The following DNAJC13 variants were observed in gnomAD, a reference collection of about 807,000 sequenced individuals.
DNAJC13 encodes the protein dnaJ homolog subfamily C member 13.
Under a neutral mutation model 290.5 loss-of-function variants are expected in DNAJC13, and 75 were observed. That is an observed-to-expected ratio of 0.26 (90% confidence interval 0.21 to 0.31). The LOEUF (loss-of-function observed/expected upper bound fraction) is 0.31. Among genes scored for constraint, DNAJC13 ranks in the 10% least tolerant of loss-of-function variants. The probability of loss-of-function intolerance (pLI) is 1.00; values close to 1 mark genes in which losing one functional copy is unlikely to be tolerated. For synonymous variants in DNAJC13, 862 were observed against 892.0 expected (o/e 0.97, Z 0.60); for missense variants, 2,260 against 2,674.5 (o/e 0.85, Z 3.42).
At chr3:132,475,123 A>T (rs1042068694) in intron 22 of DNAJC13, 38 bp downstream of exon 22, 2 of 1,494,554 alleles carry the variant, frequency 1.3e-6, no homozygotes, top group Non-Finnish European at 9.0e-7. Context: ...ATCTTAAAAA[A>T]TAAAGCATGT....
intron 1 of DNAJC13, among the ~76,000 whole-genome samples, chr3:132,419,964 T>C (rs1157943507): frequency 3.9e-5 from 6 of 152,210 alleles, no homozygotes; most frequent in Non-Finnish European, 5.9e-5. Flanking sequence ...AAAAAGAAGC[T>C]TTGCTCTCAC....
intron 28 of DNAJC13, among the ~76,000 whole-genome samples, chr3:132,483,792 A>G (rs1934760873): frequency 2.6e-5 from 4 of 152,232 alleles, no homozygotes; most frequent in Admixed American, 2.6e-4. Context: ...ATTTCAAATA[A>G]TGTTACAAAA....
chr3:132,538,696 C>T lies in DNAJC13; in HGVS notation c.*414C>T, dbSNP rs1936673792. 1 of 158,404 alleles carries T rather than the reference C, an allele frequency of 6.3e-6. No individual in the cohort carries two copies. 9.8% of individuals were successfully genotyped at this position (158,404 alleles called of 1,614,324 possible). On this transcript the variant is annotated 3_prime_UTR_variant, in exon 56 of 56. Transcript: ENST00000260818. ...CAGGAAAGAATATTTCCCTCTCCTG[C>T]ATCAAGTCTGCGTGGCCATCCTCCC...
At chr3:132,488,115 A>C (rs1934941856) in intron 29 of DNAJC13, among the ~76,000 whole-genome samples, 183 bp from the exon 30 acceptor site, 1 of 152,154 alleles carries the variant, frequency 6.6e-6, no homozygotes, top group Non-Finnish European at 1.5e-5. Context: ...TCTGCATTAA[A>C]TGTTGTAGAA....
chr3:132,481,893 A>G (rs1934688764), intron 26 of DNAJC13, among the ~76,000 whole-genome samples: 1 of 152,202 alleles, frequency 6.6e-6, no homozygotes. Context: ...ACTATTTGCA[A>G]TATTCTTTGC....
chr3:132,498,524 G>A (rs936609482), intron 36 of DNAJC13, among the ~76,000 whole-genome samples: 2 of 152,090 alleles, frequency 1.3e-5, no homozygotes, highest in Admixed American at 6.6e-5. Flanking sequence ...TATACACCAA[G>A]TGCAGTTAAT....
intron 1 of DNAJC13, among the ~76,000 whole-genome samples, chr3:132,431,690 T>A: frequency 6.6e-6 from 1 of 152,196 alleles, no homozygotes; most frequent in Admixed American, 6.5e-5. Context: ...TCATATATGC[T>A]TGTTCATAGT....
At chr3:132,496,271 A>G (rs115105421) in intron 35 of DNAJC13, among the ~76,000 whole-genome samples, 221 of 152,310 alleles carry the variant, frequency 1.5e-3, no homozygotes, top group African/African-American at 4.9e-3. Flanking sequence ...TGAGTTTAAC[A>G]TGATGTATTT....
intron 31 of DNAJC13, among the ~76,000 whole-genome samples, chr3:132,490,203 C>T (rs979293386): frequency 3.3e-5 from 5 of 152,104 alleles, no homozygotes; most frequent in East Asian, 3.9e-4. Flanking sequence ...TTTTTTCCCT[C>T]GTCTCTTTGT....
At chr3:132,489,331 A>G (rs1934986335) in intron 31 of DNAJC13, among the ~76,000 whole-genome samples, 1 of 152,094 alleles carries the variant, frequency 6.6e-6, no homozygotes, top group African/African-American at 2.4e-5. Context: ...TTTGTAAATA[A>G]TTCATTATGT....
In DNAJC13 at chr3:132,494,340, A is replaced by G. The variant is rs1287594209; in HGVS notation, c.3941+81A>G. On this transcript the variant is annotated intron_variant, in intron 34 of 55. Transcript: ENST00000260818. ...CAAAGACTAAGTTATATTTAAATCAATCATTTTAAAATCTTTTGCCTATAC... is the reference window on the plus strand; with the variant it reads ...CAAAGACTAAGTTATATTTAAATCAGTCATTTTAAAATCTTTTGCCTATAC... 1.0e-5 allele frequency: 11 copies of G among 1,092,696 alleles called. No homozygotes were observed. The African/African-American group carries it at 1.1e-4, about 11-fold the overall frequency. The allele number at this position is 1,092,696 out of a possible 1,614,324, so 67.7% of individuals were successfully genotyped here. A position where few individuals can be genotyped will look rare whatever the true frequency, so the allele number is the denominator to read the frequency against.
At chr3:132,432,456 C>G (rs1939266485) in intron 1 of DNAJC13, among the ~76,000 whole-genome samples, 1 of 152,142 alleles carries the variant, frequency 6.6e-6, no homozygotes, top group South Asian at 2.1e-4. Flanking sequence ...CCACCTATGT[C>G]AGCCTCCCAA....
At chr3:132,488,951 A>C in intron 30 of DNAJC13, 25 bp from the exon 31 acceptor site, 1 of 1,565,338 alleles carries the variant, frequency 6.4e-7, no homozygotes. Context: ...TCTATATCTG[A>C]TAGATAATTC....
chr3:132,500,959 CT>C (rs1439926371), intron 39 of DNAJC13, 46 bp downstream of exon 39: 3 of 1,601,142 alleles, frequency 1.9e-6, no homozygotes, highest in Non-Finnish European at 1.7e-6. Context: ...AGCAAAGTGT[CT>C]TTTTGTCAAC....
intron 48 of DNAJC13, among the ~76,000 whole-genome samples, chr3:132,517,742 C>G (rs1363524770): frequency 6.6e-6 from 1 of 152,128 alleles, no homozygotes; most frequent in Non-Finnish European, 1.5e-5. Context: ...ACACATTGTG[C>G]CTCCATGTAA....
At chr3:132,421,477 A>T (rs552173994) in intron 1 of DNAJC13, among the ~76,000 whole-genome samples, 2 of 152,278 alleles carry the variant, frequency 1.3e-5, no homozygotes, top group East Asian at 3.9e-4. Flanking sequence ...TGTGTGTGTG[A>T]GAGACAATCT....
chr3:132,464,856 A>C (rs1325934691), intron 17 of DNAJC13, among the ~76,000 whole-genome samples: 8 of 152,258 alleles, frequency 5.3e-5, no homozygotes, highest in South Asian at 4.1e-4. Flanking sequence ...ACTGTGATCA[A>C]TTAGTGTATT....
At chr3:132,456,142 G>C (rs1325134391) in intron 9 of DNAJC13, 93 bp from the exon 10 acceptor site, 2 of 1,157,866 alleles carry the variant, frequency 1.7e-6, no homozygotes, top group East Asian at 4.7e-5. Context: ...TCCCTGAGCA[G>C]ATTACCTGCT....
chr3:132,486,217 G>A (rs921484935), intron 29 of DNAJC13, among the ~76,000 whole-genome samples: 5 of 150,750 alleles, frequency 3.3e-5, no homozygotes, highest in African/African-American at 9.8e-5. Flanking sequence ...AATTATTGAG[G>A]GCTCTAAACT....
Sources: gnomAD v4.1 joint callset for allele counts (sites outside exome capture counted in the v4.1 genomes callset) on GRCh38, gnomAD v4.1.1 for gene constraint, MANE v1.5 for transcripts, NCBI Gene and HGNC (gene_info 2026-07-23, HGNC 2026-07-21) for gene names.